The following IFNLR1 variants were observed in gnomAD, a reference collection of about 807,000 sequenced individuals.
IFNLR1 encodes CRF2-12.
A neutral mutation model predicts 52.5 loss-of-function variants in IFNLR1; 28 were observed. The observed-to-expected ratio is 0.53, with a 90% CI of 0.40 to 0.73. The LOEUF (loss-of-function observed/expected upper bound fraction) is 0.73. Ranked by LOEUF, IFNLR1 falls within the 30% of genes least tolerant of loss-of-function variation. IFNLR1 has a pLI of 0.00. For synonymous variants in IFNLR1, 276 were observed against 274.9 expected, an observed-to-expected ratio of 1.00 and a Z score of -0.04; for missense variants, 623 against 659.1, an observed-to-expected ratio of 0.95 and a Z score of 0.60.
chr1:24,180,821 G>A lies in IFNLR1; in HGVS notation c.92C>T (p.Thr31Met), dbSNP rs138993367. The change falls in exon 2 of 7, where the codon ACG becomes ATG. Residue 31 changes from threonine to methionine, a missense_variant. Coordinates refer to ENST00000327535, the MANE Select transcript of IFNLR1 (RefSeq NM_170743.4). ...CACGCTGAAGTTCTGGGAGAGCAGCGTCACATTCTGGGGAGGGGCCAGACG... is the reference window on the plus strand; with the variant it reads ...CACGCTGAAGTTCTGGGAGAGCAGCATCACATTCTGGGGAGGGGCCAGACG... ...RPRLAPPQNV[T>M]LLSQNFSVYL... 1.7e-5 allele frequency: 27 copies of A among 1,613,800 alleles called. No homozygotes were observed. Among genetic ancestry groups the A allele is most frequent in the African/African-American group, 1.5e-4 (11 of 74,902 alleles).
intron 2 of IFNLR1, 40 bp downstream of exon 2, chr1:24,180,691 C>CCCCCCCTGA: frequency 7.0e-7 from 1 of 1,437,896 alleles, no homozygotes; most frequent in Non-Finnish European, 9.5e-7. Flanking sequence ...CACCCACCCC[C>CCCCCCCTGA]TCAGTCTTCC....
intron 2 of IFNLR1, among the ~76,000 whole-genome samples, chr1:24,173,329 A>C (rs948318493): frequency 6.6e-6 from 1 of 152,218 alleles, no homozygotes; most frequent in Non-Finnish European, 1.5e-5. Context: ...CAATAAGCAC[A>C]TGAAAAGATG....
At chr1:24,158,681 T>G (rs1457930788) in intron 6 of IFNLR1, among the ~76,000 whole-genome samples, 2 of 152,188 alleles carry the variant, frequency 1.3e-5, no homozygotes, top group Non-Finnish European at 2.9e-5. Context: ...TATCCTGGGT[T>G]AAAGTGTGAA....
chr1:24,167,738 A>C (rs1644534252), intron 3 of IFNLR1, among the ~76,000 whole-genome samples: 2 of 151,888 alleles, frequency 1.3e-5, no homozygotes, highest in Admixed American at 1.3e-4. Flanking sequence ...TCTGTCACCC[A>C]GGCTGAAGTG....
At position 24,156,520 on chromosome 1, in the gene IFNLR1, A is replaced by T. The variant is rs1353346093; in HGVS notation, c.*610T>A. On this transcript the variant is annotated 3_prime_UTR_variant, in exon 7 of 7. Coordinates refer to ENST00000327535, the MANE Select transcript of IFNLR1 (RefSeq NM_170743.4). ...CAGTGAACAGCAGAGCTGGGATTTG[A>T]ACCCCGGTCTGTCTGACACTAAAAC... 1.3e-5 allele frequency: 2 copies of T among 152,368 alleles called. No individual in the cohort carries two copies. Among genetic ancestry groups the T allele is most frequent in the Non-Finnish European group, 2.9e-5 (2 of 68,180 alleles). The allele number at this position is 152,368 out of a possible 1,614,324, so 9.4% of individuals were successfully genotyped here. A position where few individuals can be genotyped will look rare whatever the true frequency, so the allele number is the denominator to read the frequency against.
chr1:24,167,987 G>A (rs944975826), intron 3 of IFNLR1, among the ~76,000 whole-genome samples: 3 of 152,028 alleles, frequency 2.0e-5, no homozygotes, highest in Admixed American at 6.6e-5. Context: ...TTGAGCCACC[G>A]CGCCCGGCTG....
Position 24,161,556 on chromosome 1 carries a change from C to T in IFNLR1, c.496G>A (p.Gly166Arg), listed in dbSNP as rs1644443310. ...LKYEVAFWKE[G>R]AGNKTLFPVT... ...GAGCTTCCCACCTTGTTTCCGGCCC[C>T]CTCCTTCCAGAATGCCACCTCATAC... Residue 166 changes from glycine to arginine, a missense_variant, in exon 4 of 7, where the codon GGG becomes AGG. Gly to Arg is a moderately radical substitution (Grantham distance 125). Transcript: ENST00000327535. 6.4e-7 allele frequency: 1 copy of T among 1,555,220 alleles called. No homozygotes were observed. The highest frequency in any genetic ancestry group is 1.4e-5 in the African/African-American group (1 of 73,636).
chr1:24,182,945 A>AAG (rs1644706129), intron 1 of IFNLR1, among the ~76,000 whole-genome samples: 1 of 148,594 alleles, frequency 6.7e-6, no homozygotes, highest in East Asian at 2.0e-4. Context: ...AAATAAATAA[A>AAG]TAAGTAAACA....
At position 24,167,944 on chromosome 1, in the gene IFNLR1, G is replaced by C. The variant is rs533138651; in HGVS notation, c.367+1473C>G. Among the ~76,000 whole-genome samples the C allele has an allele frequency of 2.0e-5, 3 of 151,988 alleles. No individual in the cohort carries two copies. The East Asian group carries it at 5.9e-4, about 30-fold the overall frequency. On this transcript the variant is annotated intron_variant, in intron 3 of 6. Coordinates refer to ENST00000327535, the MANE Select transcript of IFNLR1 (RefSeq NM_170743.4). ...GATCTCCTGACCTCGTGATCCGCCC[G>C]CCTCGGCCTCCTAAAGTGCTGGGAT...
At position 24,187,180 on chromosome 1, in the gene IFNLR1, C is replaced by G; in HGVS notation, c.58+11G>C. 1 of 1,362,906 alleles carries G rather than the reference C, an allele frequency of 7.3e-7. No individual in the cohort carries two copies. Among genetic ancestry groups the G allele is most frequent in the Non-Finnish European group, 9.5e-7 (1 of 1,055,558 alleles). The allele number at this position is 1,362,906 out of a possible 1,614,324, so 84.4% of individuals were successfully genotyped here. On this transcript the variant is annotated intron_variant, in intron 1 of 6. Transcript: ENST00000327535. ...CTCTTCCCCCTCCCTCCCGCGGCCC[C>G]GCGCCCTTACCTGGAGCGGCCTGCA... is the stretch of plus-strand genomic sequence containing the variant.
intron 3 of IFNLR1, among the ~76,000 whole-genome samples, chr1:24,162,771 T>A (rs1644463685): frequency 5.0e-5 from 2 of 39,706 alleles, no homozygotes; most frequent in Non-Finnish European, 9.9e-5. Context: ...TTTCTTTCTT[T>A]CTTTCTTTTT....
intron 4 of IFNLR1, 93 bp downstream of exon 4, chr1:24,161,449 G>C (rs770507615): frequency 7.1e-7 from 1 of 1,400,636 alleles, no homozygotes; most frequent in East Asian, 2.5e-5. Flanking sequence ...CCTGGAGGAG[G>C]GGTGCAGGAG....
At chr1:24,173,604 CTCCCTCCCTCCT>C (rs1644603038) in intron 2 of IFNLR1, among the ~76,000 whole-genome samples, 1 of 151,440 alleles carries the variant, frequency 6.6e-6, no homozygotes, top group Non-Finnish European at 1.5e-5. Context: ...TTCTCCCTCC[CTCCCTCCCTCCT>C]TCCCTCCCTC....
chr1:24,157,764 G>T lies in IFNLR1; in HGVS notation c.929C>A (p.Ala310Asp), dbSNP rs763367931. The change falls in exon 7 of 7, where the codon GCC becomes GAC. Residue 310 changes from alanine (A) to aspartate (D), a missense_variant. Coordinates refer to ENST00000327535, the MANE Select transcript of IFNLR1 (RefSeq NM_170743.4). The surrounding 1 kb of genome is among the most constrained non-coding windows in gnomAD (Gnocchi z 5.1). ...RGVRPTPRVR[A>D]PATQQTRWKK... ...CCATCTTGTCTGTTGGGTGGCTGGG[G>T]CCCTGACTCGAGGCGTCGGCCTGAC... 6.2e-6 allele frequency: 10 copies of T among 1,614,178 alleles called. No homozygotes were observed. The highest frequency in any genetic ancestry group is 1.7e-5 in the Admixed American group (1 of 60,026).
intron 3 of IFNLR1, among the ~76,000 whole-genome samples, chr1:24,167,851 C>T (rs561714864): frequency 1.3e-4 from 20 of 152,202 alleles, no homozygotes; most frequent in African/African-American, 2.9e-4. Flanking sequence ...CACATCATCA[C>T]GCCCAACTAA....
chr1:24,168,435 C>T (rs934687022), intron 3 of IFNLR1, among the ~76,000 whole-genome samples: 6 of 148,810 alleles, frequency 4.0e-5, no homozygotes, highest in Admixed American at 1.3e-4. Flanking sequence ...CGGCCCTGCC[C>T]GAGGTCAGAA....
chr1:24,163,580 T>TTTC (rs1385572812), intron 3 of IFNLR1, among the ~76,000 whole-genome samples: 3 of 50,192 alleles, frequency 6.0e-5, no homozygotes, highest in Non-Finnish European at 4.7e-5. Context: ...CATCTCTTTC[T>TTTC]TTTTTCTTTT....
At chr1:24,167,585 A>C (rs932824245) in intron 3 of IFNLR1, among the ~76,000 whole-genome samples, 2 of 152,008 alleles carry the variant, frequency 1.3e-5, no homozygotes, top group African/African-American at 4.8e-5. Flanking sequence ...GGGTTTCACC[A>C]TGTTGGCCAG....
At chr1:24,163,531 C>A (rs1432784093) in intron 3 of IFNLR1, among the ~76,000 whole-genome samples, 1 of 152,036 alleles carries the variant, frequency 6.6e-6, no homozygotes, top group East Asian at 1.9e-4. Context: ...GATCATTCTG[C>A]CTACCATGGT....
Sources: gnomAD v4.1 joint callset for allele counts (sites outside exome capture counted in the v4.1 genomes callset) on GRCh38, gnomAD v4.1.1 for gene constraint, Gnocchi (gnomAD v3.1) non-coding constraint, MANE v1.5 for transcripts, NCBI Gene and HGNC (gene_info 2026-07-23, HGNC 2026-07-21) for gene names.